Variants in DEFB104A observed in about 807,000 individuals in gnomAD.
DEFB104A encodes defensin beta 104A, also known as beta-defensin 104.
At chr8:7,839,890 CGA>C (rs1425968855) in intron 1 of DEFB104A, among the ~76,000 whole-genome samples, 1 of 135,308 alleles carries the variant, frequency 7.4e-6, no homozygotes, top group Non-Finnish European at 1.6e-5. Context: ...CTCTCTCCAG[CGA>C]GACTCTCTCG....
intron 1 of DEFB104A, among the ~76,000 whole-genome samples, chr8:7,837,495 T>A (rs1206500892): frequency 2.1e-5 from 3 of 141,872 alleles, no homozygotes; most frequent in African/African-American, 7.9e-5. Flanking sequence ...CCTGTTTAGG[T>A]TAACTCTTCC....
In DEFB104A at chr8:7,836,817, C is replaced by A. The variant is rs560437490; in HGVS notation, c.58+275C>A. 7.8e-4 allele frequency among the ~76,000 whole-genome samples: 111 copies of A among 142,980 alleles called. 7 individuals carry two copies. The highest frequency in any genetic ancestry group is 2.7e-3 in the African/African-American group (101 of 38,064). The allele number at this position is 142,980 out of a possible 152,430, so 93.8% of individuals were successfully genotyped here. On this transcript the variant is annotated intron_variant, in intron 1 of 1. Coordinates refer to ENST00000314265, the MANE Select transcript of DEFB104A (RefSeq NM_080389.3). ...ATGTCCTTGGCACCCTGGCCACACA[C>A]GGTAACAATTCCTCATGGAATCCTC...
intron 1 of DEFB104A, among the ~76,000 whole-genome samples, chr8:7,838,983 T>C (rs1399345248): frequency 7.0e-6 from 1 of 142,612 alleles, no homozygotes; most frequent in South Asian, 2.2e-4. Flanking sequence ...GGAATGTATT[T>C]ATTGCTTAGG....
chr8:7,837,374 C>G lies in DEFB104A; in HGVS notation c.58+832C>G, dbSNP rs555517411. 1.6e-3 allele frequency among the ~76,000 whole-genome samples: 220 copies of G among 141,280 alleles called. 13 individuals carry two copies. Among genetic ancestry groups the G allele is most frequent in the African/African-American group, 5.4e-3 (202 of 37,744 alleles). The allele number at this position is 141,280 out of a possible 152,430, so 92.7% of individuals were successfully genotyped here. Reference sequence around the variant, plus strand: ...CCATCGGATCTTCTCTTCCAAGCTGCTCAGTCAATTTTATGGGGCTTTGAC... The same window carrying G: ...CCATCGGATCTTCTCTTCCAAGCTGGTCAGTCAATTTTATGGGGCTTTGAC... On this transcript the variant is annotated intron_variant, in intron 1 of 1. Coordinates refer to ENST00000314265, the MANE Select transcript of DEFB104A (RefSeq NM_080389.3).
At chr8:7,839,072 C>T (rs1273698554) in intron 1 of DEFB104A, among the ~76,000 whole-genome samples, 3 of 143,292 alleles carry the variant, frequency 2.1e-5, no homozygotes, top group Non-Finnish European at 3.2e-5. Context: ...TAAGACATAC[C>T]AACTAGGTTT....
chr8:7,839,130 A>G (rs1817707509), intron 1 of DEFB104A, among the ~76,000 whole-genome samples: 2 of 145,042 alleles, frequency 1.4e-5, no homozygotes, highest in South Asian at 2.2e-4. Context: ...CAGATTAGTC[A>G]CTTTCCTTCT....
intron 1 of DEFB104A, among the ~76,000 whole-genome samples, chr8:7,838,259 CAATT>C (rs1334106013): frequency 1.9e-4 from 25 of 133,442 alleles, no homozygotes; most frequent in Non-Finnish European, 2.8e-4. Flanking sequence ...CAAACTCAAT[CAATT>C]GTCAACCAGA....
chr8:7,836,856 C>T lies in DEFB104A; in HGVS notation c.58+314C>T, dbSNP rs1396094818. Among the ~76,000 whole-genome samples the T allele has an allele frequency of 2.1e-5, 3 of 141,818 alleles. 1 individual carries two copies. The highest frequency in any genetic ancestry group is 4.6e-5 in the Non-Finnish European group (3 of 65,330). 93.0% of individuals were successfully genotyped at this position (141,818 alleles called of 152,430 possible). On this transcript the variant is annotated intron_variant, in intron 1 of 1. Coordinates refer to ENST00000314265, the MANE Select transcript of DEFB104A (RefSeq NM_080389.3). ...CATGGAATCCTCAGCAATGAGGACT[C>T]ACTAGCCATGCTTGTTCCATTGCAG...
intron 1 of DEFB104A, among the ~76,000 whole-genome samples, chr8:7,837,557 T>C (rs1181343717): frequency 7.1e-6 from 1 of 140,658 alleles, no homozygotes; most frequent in Non-Finnish European, 1.5e-5. Context: ...GAAATTCTGC[T>C]ATGGGCATGT....
rs555686088 is a variant in DEFB104A at position 7,836,721 on chromosome 8, T to C, written c.58+179T>C. ...AAAATGCAGTATGTGGCAGTCCTTG[T>C]ATGCACCTTACAGCCACGAGGCTTA... On this transcript the variant is annotated intron_variant, in intron 1 of 1. Transcript: ENST00000314265. Among the ~76,000 whole-genome samples, 54 of 146,600 alleles carry C rather than the reference T, an allele frequency of 3.7e-4. 5 individuals are homozygous for C. The highest frequency in any genetic ancestry group is 1.3e-3 in the African/African-American group (52 of 38,574).
chr8:7,839,589 G>C (rs914360666), intron 1 of DEFB104A, among the ~76,000 whole-genome samples: 6 of 68,858 alleles, frequency 8.7e-5, no homozygotes, highest in Admixed American at 2.0e-4. Context: ...CTACATCCTG[G>C]ACAAAGAACC....
chr8:7,838,572 C>T (rs1173043899), intron 1 of DEFB104A, among the ~76,000 whole-genome samples: 3 of 144,818 alleles, frequency 2.1e-5, no homozygotes, highest in Non-Finnish European at 4.6e-5. Context: ...TCCAGCTGCT[C>T]AGGAGGCGGA....
At chr8:7,838,947 G>T (rs1353795450) in intron 1 of DEFB104A, among the ~76,000 whole-genome samples, 1 of 141,846 alleles carries the variant, frequency 7.0e-6, no homozygotes, top group Middle Eastern at 3.4e-3. Flanking sequence ...ATGCAAGAAA[G>T]AAACTAGTGT....
chr8:7,838,951 C>CTAGTG (rs1277553197), intron 1 of DEFB104A, among the ~76,000 whole-genome samples: 2 of 142,134 alleles, frequency 1.4e-5, no homozygotes, highest in African/African-American at 5.0e-5. Context: ...AAGAAAGAAA[C>CTAGTG]TAGTGTAGTG....
chr8:7,837,409 G>A (rs578119871), intron 1 of DEFB104A, among the ~76,000 whole-genome samples: 2 of 142,704 alleles, frequency 1.4e-5, no homozygotes, highest in African/African-American at 2.6e-5. Flanking sequence ...CAGACACCCA[G>A]CACCCATCTT....
chr8:7,839,004 T>C lies in DEFB104A; in HGVS notation c.59-2030T>C, dbSNP rs1383832049. On this transcript the variant is annotated intron_variant, in intron 1 of 1. Transcript: ENST00000314265. The stretch of plus-strand genomic sequence containing the variant: ...TATTTATTGCTTAGGAAATGTTTAT[T>C]ACTCAGCCTTAGTGTATGGACTGCA... Among the ~76,000 whole-genome samples, 236 of 142,968 alleles carry C rather than the reference T, an allele frequency of 1.7e-3. 9 individuals are homozygous for C. Among genetic ancestry groups the C allele is most frequent in the Non-Finnish European group, 2.9e-3 (181 of 63,058 alleles). 93.8% of individuals were successfully genotyped at this position (142,968 alleles called of 152,430 possible). A position where few individuals can be genotyped will look rare whatever the true frequency, so the allele number is the denominator to read the frequency against.
chr8:7,838,697 CAAACA>C (rs1817696956), intron 1 of DEFB104A, among the ~76,000 whole-genome samples: 1 of 9,574 alleles, frequency 1.0e-4, no homozygotes, highest in African/African-American at 1.2e-4. Flanking sequence ...ACCAAAAAAA[CAAACA>C]AAAAAAAAAA....
intron 1 of DEFB104A, among the ~76,000 whole-genome samples, chr8:7,836,798 T>G (rs1817659069): frequency 7.0e-6 from 1 of 143,858 alleles, no homozygotes; most frequent in Non-Finnish European, 1.5e-5. Flanking sequence ...CTAGATGTCC[T>G]TGGCACCCTG....
intron 1 of DEFB104A, among the ~76,000 whole-genome samples, chr8:7,838,966 C>T (rs1817703331): frequency 7.0e-6 from 1 of 142,118 alleles, no homozygotes; most frequent in South Asian, 2.2e-4. Flanking sequence ...GTAGTGTAGT[C>T]TACCCTGGAA....
Sources: allele counts gnomAD v4.1 joint callset (sites outside exome capture counted in the v4.1 genomes callset), GRCh38; gene constraint gnomAD v4.1.1; transcripts MANE v1.5; gene names NCBI Gene and HGNC (gene_info 2026-07-23, HGNC 2026-07-21).